The following TRPS1 variants were observed in gnomAD, a reference collection of about 807,000 sequenced individuals.
TRPS1 encodes the protein transcriptional repressor GATA binding 1.
TRPS1 carries 6 observed loss-of-function variants against 101.2 expected under a neutral mutation model. The observed-to-expected ratio is 0.06, with a 90% CI of 0.03 to 0.12. TRPS1 has a LOEUF of 0.12. Ranked by LOEUF, TRPS1 falls within the 10% of genes least tolerant of loss-of-function variation. The pLI is 1.00. For synonymous variants in TRPS1, 578 were observed against 589.8 expected, an observed-to-expected ratio of 0.98 and a Z score of 0.29; for missense variants, 1,363 against 1,567.0, an observed-to-expected ratio of 0.87 and a Z score of 2.20.
rs1177050254 is a variant in TRPS1 at position 115,623,756 on chromosome 8, C to T, written c.-119G>A. On this transcript the variant is annotated splice_region_variant and 5_prime_UTR_variant, in exon 2 of 7. An upstream start codon of the reference 5' UTR is lost. Transcript: ENST00000395715. ...AAGACATTTTGAGAGCTGATCTGTA[C>T]ATCTGCAAAACAAAGCAAAAGAAAA... 6.7e-7 allele frequency: 1 copy of T among 1,485,150 alleles called. No individual in the cohort carries two copies. Among genetic ancestry groups the T allele is most frequent in the Non-Finnish European group, 8.9e-7 (1 of 1,119,680 alleles). The allele number at this position is 1,485,150 out of a possible 1,614,324, so 92.0% of individuals were successfully genotyped here. A position where few individuals can be genotyped will look rare whatever the true frequency, so the allele number is the denominator to read the frequency against.
chr8:115,542,268 G>T (rs556397386), intron 5 of TRPS1, among the ~76,000 whole-genome samples: 85 of 152,204 alleles, frequency 5.6e-4, no homozygotes, highest in African/African-American at 1.9e-3. Context: ...GTTTTATTTG[G>T]TACTGTTAAC....
At chr8:115,608,525 A>T (rs1325568688) in intron 3 of TRPS1, among the ~76,000 whole-genome samples, 1 of 152,196 alleles carries the variant, frequency 6.6e-6, no homozygotes, top group Non-Finnish European at 1.5e-5. Flanking sequence ...TTCTAGAGGA[A>T]GTTCTCTAGC....
chr8:115,496,436 G>A (rs1486445191), intron 5 of TRPS1, among the ~76,000 whole-genome samples: 1 of 152,022 alleles, frequency 6.6e-6, no homozygotes, highest in East Asian at 1.9e-4. Flanking sequence ...TTGCAAACAG[G>A]TAACTGTTTA....
At chr8:115,439,757 C>T (rs1313468408) in intron 5 of TRPS1, among the ~76,000 whole-genome samples, 1 of 152,142 alleles carries the variant, frequency 6.6e-6, no homozygotes, top group Admixed American at 6.5e-5. Context: ...GAACATCACC[C>T]TAACTTCCTT....
Position 115,430,851 on chromosome 8 carries a change from C to T in TRPS1, c.2701-12399G>A, listed in dbSNP as rs368910413. On this transcript the variant is annotated intron_variant, in intron 5 of 6. Coordinates refer to ENST00000395715, the MANE Select transcript of TRPS1 (RefSeq NM_014112.5). The stretch of plus-strand genomic sequence containing the variant: ...ATATTTTATAAGTGGGATTAAAACA[C>T]CAACAATGTTGTCAAGAAATTCCAT... Among the ~76,000 whole-genome samples, 53 of 151,738 alleles carry T rather than the reference C, an allele frequency of 3.5e-4. 2 individuals are homozygous for T. In the East Asian group the frequency reaches 6.6e-3, roughly 19 times the overall value.
intron 5 of TRPS1, among the ~76,000 whole-genome samples, chr8:115,512,547 T>A (rs1034615287): frequency 6.6e-6 from 1 of 151,548 alleles, no homozygotes; most frequent in Non-Finnish European, 1.5e-5. Context: ...GCTAAAAAAT[T>A]CATGCTCATG....
chr8:115,472,686 C>T (rs571855367), intron 5 of TRPS1, among the ~76,000 whole-genome samples: 1 of 152,252 alleles, frequency 6.6e-6, no homozygotes, highest in East Asian at 1.9e-4. Flanking sequence ...CAATTCCAAA[C>T]CATGTCTTTG....
rs1169318588 is a variant in TRPS1, at chr8:115,561,335, C to T, written c.2700+25666G>A. Among the ~76,000 whole-genome samples, 3 of 151,992 alleles carry T rather than the reference C, an allele frequency of 2.0e-5. No homozygotes were observed. In the South Asian group the frequency reaches 6.2e-4, roughly 31 times the overall value. ...GGGGTCTCTGGCACACACAAGGCAGCCATGAGCTACTTCTACAAGGCTGTG... is the reference window on the plus strand; with the variant it reads ...GGGGTCTCTGGCACACACAAGGCAGTCATGAGCTACTTCTACAAGGCTGTG... On this transcript the variant is annotated intron_variant, in intron 5 of 6. Transcript: ENST00000395715.
chr8:115,606,419 T>C (rs1300738004), intron 3 of TRPS1, among the ~76,000 whole-genome samples: 1 of 152,196 alleles, frequency 6.6e-6, no homozygotes, highest in South Asian at 2.1e-4. Context: ...CAACTCAACA[T>C]TTACTGTACA....
chr8:115,463,293 A>G (rs976688727), intron 5 of TRPS1, among the ~76,000 whole-genome samples: 6 of 152,196 alleles, frequency 3.9e-5, no homozygotes, highest in Non-Finnish European at 7.4e-5. Context: ...CTAAAAACAA[A>G]GCCTGTACAT....
chr8:115,473,864 T>C (rs1814533065), intron 5 of TRPS1, among the ~76,000 whole-genome samples: 1 of 152,180 alleles, frequency 6.6e-6, no homozygotes, highest in African/African-American at 2.4e-5. Flanking sequence ...GTATGATTTA[T>C]GTAAGTTTCA....
chr8:115,602,553 G>A (rs1320086643), intron 4 of TRPS1, among the ~76,000 whole-genome samples: 1 of 152,170 alleles, frequency 6.6e-6, no homozygotes, highest in Admixed American at 6.5e-5. Context: ...TTGATTCACT[G>A]TGAACATTGG....
At chr8:115,595,797 A>G (rs1817771460) in intron 4 of TRPS1, among the ~76,000 whole-genome samples, 1 of 151,922 alleles carries the variant, frequency 6.6e-6, no homozygotes, top group Admixed American at 6.6e-5. Context: ...AGTATTCAGA[A>G]GCATTAGTTC....
At chr8:115,425,052 A>C (rs1466695048) in intron 5 of TRPS1, among the ~76,000 whole-genome samples, 1 of 152,158 alleles carries the variant, frequency 6.6e-6, no homozygotes, top group African/African-American at 2.4e-5. Flanking sequence ...AACAACTTAA[A>C]AATAGATGGT....
chr8:115,440,790 C>T lies in TRPS1; in HGVS notation c.2701-22338G>A, dbSNP rs1813574395. On this transcript the variant is annotated intron_variant, in intron 5 of 6. Coordinates refer to ENST00000395715, the MANE Select transcript of TRPS1 (RefSeq NM_014112.5). Reference sequence around the variant, plus strand: ...GATGAAAACTGACATTATCAAACCACAATGCCTGAAAGTTACCTAGATAGT... The same window carrying T: ...GATGAAAACTGACATTATCAAACCATAATGCCTGAAAGTTACCTAGATAGT... 2.0e-5 allele frequency among the ~76,000 whole-genome samples: 3 copies of T among 152,190 alleles called. No homozygotes were observed. The South Asian group carries it at 6.2e-4, about 32-fold the overall frequency.
chr8:115,620,692 G>A lies in TRPS1; in HGVS notation c.38-632C>T, dbSNP rs530237564. On this transcript the variant is annotated intron_variant, in intron 2 of 6. Coordinates refer to ENST00000395715, the MANE Select transcript of TRPS1 (RefSeq NM_014112.5). ...ACTGCCTCATCACTTTCAGGAAGCG[G>A]AGGATGACAAACGTTCCAGCTCTGA... is the stretch of plus-strand genomic sequence containing the variant. Among the ~76,000 whole-genome samples the A allele has an allele frequency of 1.0e-3, 155 of 152,292 alleles. 3 individuals are homozygous for A. The South Asian group carries it at 0.032, about 31-fold the overall frequency.
intron 5 of TRPS1, among the ~76,000 whole-genome samples, chr8:115,552,159 A>G (rs1337633615): frequency 2.0e-5 from 3 of 152,208 alleles, no homozygotes; most frequent in Non-Finnish European, 4.4e-5. Flanking sequence ...AAACATAGGT[A>G]TCACTTACAG....
At chr8:115,441,831 C>CTCTTT (rs1813600138) in intron 5 of TRPS1, among the ~76,000 whole-genome samples, 1 of 150,740 alleles carries the variant, frequency 6.6e-6, no homozygotes, top group Non-Finnish European at 1.5e-5. Flanking sequence ...GTGAACCAGA[C>CTCTTT]TTTATTCTAC....
At chr8:115,561,257 C>T (rs972113651) in intron 5 of TRPS1, among the ~76,000 whole-genome samples, 2 of 152,052 alleles carry the variant, frequency 1.3e-5, no homozygotes, top group Non-Finnish European at 2.9e-5. Context: ...CCCTGACAGG[C>T]TGAAAACACC....
Sources: allele counts gnomAD v4.1 joint callset (sites outside exome capture counted in the v4.1 genomes callset), GRCh38; gene constraint gnomAD v4.1.1; transcripts MANE v1.5; gene names NCBI Gene and HGNC (gene_info 2026-07-23, HGNC 2026-07-21).